IGF1: variants seen among roughly 807,000 people sequenced by gnomAD.
The protein encoded by IGF1 is insulin-like growth factor 1.
A neutral mutation model predicts 13.8 loss-of-function variants in IGF1; 4 were observed. That is an observed-to-expected ratio of 0.29 (90% confidence interval 0.14 to 0.66). The LOEUF (loss-of-function observed/expected upper bound fraction) is 0.66. Ranked by LOEUF, IGF1 falls within the 30% of genes least tolerant of loss-of-function variation. IGF1 has a pLI of 0.78. For synonymous variants in IGF1, 76 were observed against 72.6 expected (o/e 1.05, Z -0.23); for missense variants, 124 against 188.5 (o/e 0.66, Z 2.00).
chr12:102,407,660 C>T (rs1388420199), intron 3 of IGF1, among the ~76,000 whole-genome samples: 1 of 152,114 alleles, frequency 6.6e-6, no homozygotes. Context: ...AAATCACTTT[C>T]CAATAGCAAT....
chr12:102,459,416 G>A (rs1286654005), intron 2 of IGF1, among the ~76,000 whole-genome samples: 1 of 152,112 alleles, frequency 6.6e-6, no homozygotes, highest in African/African-American at 2.4e-5. Flanking sequence ...GGAGGAGGCT[G>A]TTGCAATAGT....
intron 3 of IGF1, among the ~76,000 whole-genome samples, chr12:102,406,515 T>C (rs916780433): frequency 7.9e-5 from 12 of 152,204 alleles, no homozygotes; most frequent in Non-Finnish European, 1.3e-4. Flanking sequence ...CTGTTTCCTA[T>C]TGACACCAAC....
At chr12:102,478,749 C>G (rs757824037) in intron 1 of IGF1, 25 of 933,872 alleles carry the variant, frequency 2.7e-5, no homozygotes, top group East Asian at 9.2e-5. Context: ...GTCAAGCCAC[C>G]TATTTCCATT....
chr12:102,424,800 A>C (rs541190263), intron 2 of IGF1, among the ~76,000 whole-genome samples: 2 of 152,214 alleles, frequency 1.3e-5, no homozygotes, highest in Admixed American at 1.3e-4. Flanking sequence ...TATTACCAAG[A>C]CCCCAATGTA....
intron 2 of IGF1, chr12:102,462,881 G>A (rs1370356068): frequency 2.0e-5 from 3 of 152,166 alleles, no homozygotes; most frequent in Non-Finnish European, 4.4e-5. Context: ...AACATTTGCT[G>A]TGCTTGACAA....
At position 102,396,594 on chromosome 12, in the gene IGF1, G is replaced by A. The variant is rs912741629; in HGVS notation, c.*5913C>T. Reference sequence around the variant, plus strand: ...TTTATTTTTCCTACTTTACATCAGTGCATTTTGGGCAAAATAAAATGAGTA... The same window carrying A: ...TTTATTTTTCCTACTTTACATCAGTACATTTTGGGCAAAATAAAATGAGTA... On this transcript the variant is annotated 3_prime_UTR_variant, in exon 4 of 4. Transcript: ENST00000337514. The A allele has an allele frequency of 1.6e-5, 5 of 319,912 alleles. No individual in the cohort carries two copies. Among genetic ancestry groups the A allele is most frequent in the Non-Finnish European group, 2.8e-5 (5 of 177,904 alleles). The allele number at this position is 319,912 out of a possible 1,614,324, so 19.8% of individuals were successfully genotyped here.
chr12:102,408,454 G>T (rs1311659761), intron 3 of IGF1, among the ~76,000 whole-genome samples: 1 of 152,174 alleles, frequency 6.6e-6, no homozygotes, highest in Non-Finnish European at 1.5e-5. Flanking sequence ...AAAGAACAAG[G>T]TGCACATTTT....
intron 2 of IGF1, among the ~76,000 whole-genome samples, chr12:102,456,755 C>T (rs143199054): frequency 7.4e-4 from 112 of 152,180 alleles, no homozygotes; most frequent in African/African-American, 2.7e-3. Context: ...CTACATTTGC[C>T]CTTGTAATTC....
At chr12:102,439,718 G>A (rs202148542) in intron 2 of IGF1, among the ~76,000 whole-genome samples, 43 of 138,546 alleles carry the variant, frequency 3.1e-4, no homozygotes, top group Admixed American at 2.9e-4. Flanking sequence ...CTAGGAGAAG[G>A]AAAAAAAAAA....
intron 1 of IGF1, 120 bp from the exon 2 acceptor site, chr12:102,475,919 G>A: frequency 9.5e-7 from 1 of 1,051,624 alleles, no homozygotes; most frequent in Non-Finnish European, 1.4e-6. Context: ...GGACTACCCA[G>A]CACAGAAGCC....
chr12:102,478,893 G>A (rs1171371993), intron 1 of IGF1, among the ~76,000 whole-genome samples: 1 of 152,136 alleles, frequency 6.6e-6, no homozygotes, highest in East Asian at 1.9e-4. Context: ...CCTCTGGGCA[G>A]GACACCTTTA....
chr12:102,434,797 C>G (rs1297212023), intron 2 of IGF1, among the ~76,000 whole-genome samples: 3 of 151,354 alleles, frequency 2.0e-5, no homozygotes, highest in Non-Finnish European at 4.4e-5. Context: ...TCCACATCCT[C>G]TCCAGCACCT....
At chr12:102,473,699 T>C (rs1020064178) in intron 2 of IGF1, among the ~76,000 whole-genome samples, 1 of 152,222 alleles carries the variant, frequency 6.6e-6, no homozygotes, top group African/African-American at 2.4e-5. Context: ...GTTATTGAGA[T>C]ACAATTTTTA....
At chr12:102,456,157 T>A (rs1318433425) in intron 2 of IGF1, among the ~76,000 whole-genome samples, 2 of 151,786 alleles carry the variant, frequency 1.3e-5, no homozygotes, top group East Asian at 3.9e-4. Flanking sequence ...GAGGAGAAAG[T>A]TTTGCCCCCT....
chr12:102,435,890 C>T (rs1236774364), intron 2 of IGF1, among the ~76,000 whole-genome samples: 2 of 152,162 alleles, frequency 1.3e-5, no homozygotes, highest in Non-Finnish European at 2.9e-5. Context: ...CTTGCATTTT[C>T]CATAAGTTCT....
chr12:102,409,214 A>T (rs1265883716), intron 3 of IGF1, among the ~76,000 whole-genome samples: 3 of 152,064 alleles, frequency 2.0e-5, no homozygotes, highest in Non-Finnish European at 2.9e-5. Context: ...GTTTAGAAAA[A>T]CCTTGAACCT....
chr12:102,407,019 A>G (rs1874209064), intron 3 of IGF1, among the ~76,000 whole-genome samples: 1 of 139,440 alleles, frequency 7.2e-6, no homozygotes, highest in Admixed American at 7.5e-5. Context: ...GCTTGAACCC[A>G]GGAGGCGGAG....
chr12:102,415,471 G>A (rs1025805435), intron 3 of IGF1, among the ~76,000 whole-genome samples: 2 of 151,832 alleles, frequency 1.3e-5, no homozygotes, highest in African/African-American at 4.8e-5. Context: ...ATTCCGAAAA[G>A]AACTGTCTTA....
intron 2 of IGF1, among the ~76,000 whole-genome samples, chr12:102,455,861 CACAATCAAGGACA>C (rs1361415008): frequency 6.6e-6 from 1 of 152,162 alleles, no homozygotes; most frequent in African/African-American, 2.4e-5. Context: ...AAGTCATGAA[CACAATCAAGGACA>C]AGAAGTTGGT....
Sources: allele counts gnomAD v4.1 joint callset (sites outside exome capture counted in the v4.1 genomes callset), GRCh38; gene constraint gnomAD v4.1.1; transcripts MANE v1.5; gene names NCBI Gene and HGNC (gene_info 2026-07-23, HGNC 2026-07-21).